The following LRMDA variants were observed in gnomAD, a reference collection of about 807,000 sequenced individuals.
The protein encoded by LRMDA is leucine rich melanocyte differentiation associated, also known as leucine-rich melanocyte differentiation-associated protein.
Under a neutral mutation model 29.8 loss-of-function variants are expected in LRMDA, and 18 were observed. The ratio of observed to expected loss-of-function variants is 0.60; its 90% CI spans 0.42 to 0.90. LRMDA has a LOEUF of 0.90. Ranked by LOEUF, LRMDA falls within the 40% of genes least tolerant of loss-of-function variation. The pLI is 0.00. For missense variants in LRMDA, 273 were observed against 273.9 expected, an observed-to-expected ratio of 1.00 and a Z score of 0.02; for synonymous variants, 125 against 109.4, an observed-to-expected ratio of 1.14 and a Z score of -0.89.
At chr10:76,042,873 T>G (rs1848364048) in intron 3 of LRMDA, among the ~76,000 whole-genome samples, 1 of 152,188 alleles carries the variant, frequency 6.6e-6, no homozygotes, top group South Asian at 2.1e-4. Flanking sequence ...TTGGTAAAAC[T>G]TTTAGGATTA....
intron 6 of LRMDA, among the ~76,000 whole-genome samples, chr10:76,411,063 T>A (rs574766218): frequency 6.6e-6 from 1 of 152,206 alleles, no homozygotes; most frequent in Non-Finnish European, 1.5e-5. Flanking sequence ...GTTTGTCATT[T>A]ACCTGTTGTT....
intron 5 of LRMDA, among the ~76,000 whole-genome samples, chr10:76,283,044 G>A (rs1336681522): frequency 6.6e-6 from 1 of 152,194 alleles, no homozygotes; most frequent in African/African-American, 2.4e-5. Context: ...TAATGGAAAA[G>A]GGAGATGAGG....
chr10:75,952,906 C>A (rs1376492986), intron 2 of LRMDA, among the ~76,000 whole-genome samples: 1 of 152,070 alleles, frequency 6.6e-6, no homozygotes. Flanking sequence ...AGGTGCACAC[C>A]ACCATGCCCA....
intron 6 of LRMDA, among the ~76,000 whole-genome samples, chr10:76,538,113 C>T (rs568829969): frequency 6.6e-6 from 1 of 152,206 alleles, no homozygotes; most frequent in South Asian, 2.1e-4. Flanking sequence ...CAATTAGGTT[C>T]ATTTTTTTCT....
chr10:75,760,550 C>T (rs140701522), intron 2 of LRMDA, among the ~76,000 whole-genome samples: 29 of 152,250 alleles, frequency 1.9e-4, no homozygotes, highest in African/African-American at 5.8e-4. Flanking sequence ...TATTGATATT[C>T]GAATAGTGGC....
chr10:76,092,183 A>T (rs1205044535), intron 5 of LRMDA, among the ~76,000 whole-genome samples: 1 of 152,126 alleles, frequency 6.6e-6, no homozygotes, highest in Non-Finnish European at 1.5e-5. Context: ...CACTTAAATG[A>T]TTTCCCCTAG....
chr10:76,094,315 A>G (rs1414074893), intron 5 of LRMDA, among the ~76,000 whole-genome samples: 3 of 152,232 alleles, frequency 2.0e-5, no homozygotes, highest in African/African-American at 7.2e-5. Context: ...ATATTTAGAA[A>G]TAACAACTAC....
At chr10:76,104,037 G>T (rs1589328173) in intron 5 of LRMDA, among the ~76,000 whole-genome samples, 3 of 149,766 alleles carry the variant, frequency 2.0e-5, no homozygotes, top group Admixed American at 2.0e-4. Context: ...GACAGAATGA[G>T]ACTCTATCTA....
chr10:76,120,262 T>G (rs1311692878), intron 5 of LRMDA, among the ~76,000 whole-genome samples: 4 of 151,496 alleles, frequency 2.6e-5, no homozygotes, highest in Non-Finnish European at 4.4e-5. Context: ...AATCTTGGCT[T>G]ACTGTAACCT....
intron 2 of LRMDA, chr10:75,451,379 C>T (rs141524263): frequency 3.9e-5 from 6 of 152,300 alleles, no homozygotes; most frequent in African/African-American, 1.2e-4. Context: ...AATCACCTCT[C>T]GACAGTTTGC....
At chr10:76,439,221 CTA>C (rs2132289983) in intron 6 of LRMDA, among the ~76,000 whole-genome samples, 1 of 152,218 alleles carries the variant, frequency 6.6e-6, no homozygotes, top group South Asian at 2.1e-4. Context: ...AGTTCAGACT[CTA>C]AAAGAAATGC....
intron 2 of LRMDA, among the ~76,000 whole-genome samples, chr10:75,781,812 C>T (rs1440457093): frequency 6.6e-6 from 1 of 152,222 alleles, no homozygotes; most frequent in Non-Finnish European, 1.5e-5. Flanking sequence ...TCCCATTTTG[C>T]AGATGAGATC....
At chr10:76,554,242 C>T (rs569949387) in intron 6 of LRMDA, among the ~76,000 whole-genome samples, 1 of 152,248 alleles carries the variant, frequency 6.6e-6, no homozygotes, top group East Asian at 1.9e-4. Context: ...TTAGAATATC[C>T]TTGGCATAAT....
intron 2 of LRMDA, among the ~76,000 whole-genome samples, chr10:75,886,747 A>G (rs1845398587): frequency 6.6e-6 from 1 of 152,186 alleles, no homozygotes; most frequent in South Asian, 2.1e-4. Context: ...CACTGATCAG[A>G]GAATATTAAA....
intron 5 of LRMDA, among the ~76,000 whole-genome samples, chr10:76,089,788 A>C (rs2132089228): frequency 6.6e-6 from 1 of 152,302 alleles, no homozygotes; most frequent in Admixed American, 6.5e-5. Flanking sequence ...AGAGTAGAGA[A>C]TAGGGAACAT....
chr10:75,620,004 T>C (rs1480061013), intron 2 of LRMDA, among the ~76,000 whole-genome samples: 1 of 152,196 alleles, frequency 6.6e-6, no homozygotes, highest in Non-Finnish European at 1.5e-5. Flanking sequence ...TCCTACCATG[T>C]TGTGTCATCC....
At chr10:75,989,104 G>T (rs1197268641) in intron 2 of LRMDA, among the ~76,000 whole-genome samples, 1 of 151,412 alleles carries the variant, frequency 6.6e-6, no homozygotes, top group Non-Finnish European at 1.5e-5. Flanking sequence ...CTCCACAAGG[G>T]CTGGGGTCCC....
chr10:76,355,931 C>G (rs974693174), intron 6 of LRMDA, among the ~76,000 whole-genome samples: 3 of 152,090 alleles, frequency 2.0e-5, no homozygotes, highest in Non-Finnish European at 4.4e-5. Context: ...TGTATTGTTC[C>G]CCTTGACAGC....
intron 5 of LRMDA, among the ~76,000 whole-genome samples, chr10:76,263,868 CA>C: frequency 6.6e-6 from 1 of 152,272 alleles, no homozygotes; most frequent in Non-Finnish European, 1.5e-5. Context: ...TCTTCTGCTA[CA>C]GGTTAAACAA....
Sources: gnomAD v4.1 joint callset for allele counts (sites outside exome capture counted in the v4.1 genomes callset) on GRCh38, gnomAD v4.1.1 for gene constraint, MANE v1.5 for transcripts, NCBI Gene and HGNC (gene_info 2026-07-23, HGNC 2026-07-21) for gene names.